Variants in FHIT observed in about 807,000 individuals in gnomAD.
FHIT encodes the protein fragile histidine triad diadenosine triphosphatase.
In FHIT, 19 loss-of-function variants were observed where a neutral mutation model predicts 17.9. The ratio of observed to expected loss-of-function variants is 1.06; its 90% CI spans 0.74 to 1.56. FHIT has a LOEUF of 1.56. Ranked by LOEUF, FHIT falls within the 40% of genes most tolerant of loss-of-function variation. The pLI is 0.00. For synonymous variants in FHIT, 81 were observed against 69.7 expected (o/e 1.16, Z -0.81); for missense variants, 248 against 189.2 (o/e 1.31, Z -1.82).
intron 3 of FHIT, among the ~76,000 whole-genome samples, chr3:60,900,827 G>C (rs1393326911): frequency 2.0e-5 from 3 of 151,988 alleles, no homozygotes; most frequent in African/African-American, 7.3e-5. Flanking sequence ...GCCCAGGCTG[G>C]AGTGCAGTCG....
intron 5 of FHIT, among the ~76,000 whole-genome samples, chr3:60,089,732 G>C (rs552226524): frequency 6.6e-6 from 1 of 152,140 alleles, no homozygotes; most frequent in Non-Finnish European, 1.5e-5. Context: ...CAAGGTCCTA[G>C]CATCTTGTTT....
At chr3:59,939,751 C>T (rs1340592164) in intron 7 of FHIT, among the ~76,000 whole-genome samples, 1 of 152,078 alleles carries the variant, frequency 6.6e-6, no homozygotes, top group African/African-American at 2.4e-5. Flanking sequence ...ACAGGCCATA[C>T]CAGGCTCATG....
At chr3:60,577,943 T>G (rs1230600892) in intron 4 of FHIT, among the ~76,000 whole-genome samples, 3 of 152,166 alleles carry the variant, frequency 2.0e-5, no homozygotes, top group Non-Finnish European at 4.4e-5. Flanking sequence ...TTCAAAAGGC[T>G]AAGGGATCAC....
At chr3:60,366,162 A>G (rs566176190) in intron 5 of FHIT, among the ~76,000 whole-genome samples, 1 of 152,318 alleles carries the variant, frequency 6.6e-6, no homozygotes, top group South Asian at 2.1e-4. Context: ...GTAAAAGGAA[A>G]AAGGCGCTAT....
chr3:59,923,867 A>G (rs1192254942), intron 7 of FHIT, among the ~76,000 whole-genome samples: 1 of 152,308 alleles, frequency 6.6e-6, no homozygotes, highest in East Asian at 1.9e-4. Flanking sequence ...ACGTGGTCCA[A>G]GGTGAATGAA....
intron 3 of FHIT, among the ~76,000 whole-genome samples, chr3:60,993,314 G>A (rs971984883): frequency 2.6e-5 from 4 of 152,130 alleles, no homozygotes; most frequent in African/African-American, 9.7e-5. Context: ...AGTTACTAGC[G>A]CATCGAACAA....
chr3:60,484,300 C>T (rs984399758), intron 5 of FHIT, among the ~76,000 whole-genome samples: 1 of 152,140 alleles, frequency 6.6e-6, no homozygotes, highest in African/African-American at 2.4e-5. Context: ...ACATCCCTCA[C>T]AAAATTAGAA....
intron 7 of FHIT, among the ~76,000 whole-genome samples, chr3:59,925,254 C>T (rs558815698): frequency 3.7e-4 from 56 of 152,232 alleles, no homozygotes; most frequent in African/African-American, 1.3e-3. Context: ...CAGGTGCATG[C>T]TACCACATCA....
intron 5 of FHIT, among the ~76,000 whole-genome samples, chr3:60,040,283 T>C (rs1005419634): frequency 6.6e-6 from 1 of 151,988 alleles, no homozygotes; most frequent in Non-Finnish European, 1.5e-5. Context: ...GTAGCTGGGA[T>C]TACAGGCATG....
chr3:60,838,839 G>A (rs934393573), intron 3 of FHIT, among the ~76,000 whole-genome samples: 2 of 152,088 alleles, frequency 1.3e-5, no homozygotes, highest in Non-Finnish European at 2.9e-5. Context: ...TACTTGTCAC[G>A]ATGCTGACAC....
intron 2 of FHIT, among the ~76,000 whole-genome samples, chr3:61,161,695 C>A (rs1408609097): frequency 1.3e-5 from 2 of 152,120 alleles, no homozygotes; most frequent in South Asian, 2.1e-4. Context: ...CAAGAGACAG[C>A]ATGCATTACT....
chr3:60,585,289 G>A (rs2037871199), intron 4 of FHIT, among the ~76,000 whole-genome samples: 1 of 151,958 alleles, frequency 6.6e-6, no homozygotes, highest in Admixed American at 6.6e-5. Flanking sequence ...TGCGTAATCA[G>A]AGATACGTAG....
intron 8 of FHIT, among the ~76,000 whole-genome samples, chr3:59,781,397 A>T (rs1046827989): frequency 6.6e-6 from 1 of 152,244 alleles, no homozygotes; most frequent in East Asian, 1.9e-4. Context: ...TACTCGGTTC[A>T]TAAACCAGGG....
At chr3:60,543,838 A>G (rs1246239400) in intron 4 of FHIT, among the ~76,000 whole-genome samples, 14 of 146,380 alleles carry the variant, frequency 9.6e-5, no homozygotes, top group South Asian at 2.3e-4. Flanking sequence ...TCCGCTTCCC[A>G]GGTTCAAGGG....
At chr3:60,112,456 C>A (rs575385116) in intron 5 of FHIT, among the ~76,000 whole-genome samples, 2 of 152,146 alleles carry the variant, frequency 1.3e-5, no homozygotes, top group African/African-American at 2.4e-5. Flanking sequence ...CCATCCCAAC[C>A]ATTTCGTAAA....
intron 3 of FHIT, among the ~76,000 whole-genome samples, chr3:61,011,236 C>T (rs1022917380): frequency 6.6e-6 from 1 of 152,078 alleles, no homozygotes; most frequent in African/African-American, 2.4e-5. Flanking sequence ...TGAATAGATT[C>T]CTATTTATGA....
chr3:60,654,518 T>G, intron 4 of FHIT, among the ~76,000 whole-genome samples: 1 of 151,968 alleles, frequency 6.6e-6, no homozygotes, highest in East Asian at 1.9e-4. Context: ...TTGAAGATAT[T>G]ATTGAGGTAT....
At chr3:60,307,462 G>A (rs1708729605) in intron 5 of FHIT, among the ~76,000 whole-genome samples, 1 of 152,166 alleles carries the variant, frequency 6.6e-6, no homozygotes, top group African/African-American at 2.4e-5. Flanking sequence ...ATATGAACTG[G>A]AAGAAGGATT....
chr3:60,570,923 C>A (rs1419844772), intron 4 of FHIT, among the ~76,000 whole-genome samples: 2 of 151,914 alleles, frequency 1.3e-5, no homozygotes, highest in Non-Finnish European at 2.9e-5. Flanking sequence ...TCTCAGAAGA[C>A]TGGCAAGCAA....
Sources: gnomAD v4.1 joint callset for allele counts (sites outside exome capture counted in the v4.1 genomes callset) on GRCh38, gnomAD v4.1.1 for gene constraint, MANE v1.5 for transcripts, NCBI Gene and HGNC (gene_info 2026-07-23, HGNC 2026-07-21) for gene names.